TRIM33: variants seen among roughly 807,000 people sequenced by gnomAD.
The protein encoded by TRIM33 is tripartite motif containing 33.
Under a neutral mutation model 125.4 loss-of-function variants are expected in TRIM33, and 20 were observed. The observed-to-expected ratio is 0.16, with a 90% CI of 0.11 to 0.23. TRIM33 has a LOEUF of 0.23. TRIM33 is among the 10% of genes least tolerant of loss of function. The pLI, the probability that TRIM33 is intolerant of heterozygous loss-of-function variation, is 1.00. For synonymous variants in TRIM33, 564 were observed against 513.9 expected (o/e 1.10, Z -1.32); for missense variants, 920 against 1,411.4 (o/e 0.65, Z 5.58).
At chr1:114,465,022 T>C (rs1275157494) in intron 1 of TRIM33, among the ~76,000 whole-genome samples, 1 of 152,206 alleles carries the variant, frequency 6.6e-6, no homozygotes, top group Non-Finnish European at 1.5e-5. Flanking sequence ...CTGGCCTCCA[T>C]AATGGTAAAA....
chr1:114,510,967 G>A lies in TRIM33; in HGVS notation c.110C>T (p.Pro37Leu), dbSNP rs1403806972. 4.4e-6 allele frequency: 6 copies of A among 1,378,358 alleles called. No homozygotes were observed. Among genetic ancestry groups the A allele is most frequent in the African/African-American group, 3.0e-5 (2 of 65,996 alleles). The allele number at this position is 1,378,358 out of a possible 1,614,324, so 85.4% of individuals were successfully genotyped here. A position where few individuals can be genotyped will look rare whatever the true frequency, so the allele number is the denominator to read the frequency against. ...CTCCTCCACCAGCACCGCGGTGAGA[G>A]GCGGCTCCGCCTCCTGCGCGGCGGG... is the stretch of plus-strand genomic sequence containing the variant. ...AGPAAQEAEPPLTAVLVEEEE... is the reference protein window; with the variant it reads ...AGPAAQEAEPLLTAVLVEEEE... Residue 37 changes from proline (P) to leucine (L), a missense_variant, in exon 1 of 20, where the codon CCT becomes CTT. By Grantham distance (98) the Pro-to-Leu change is moderately conservative. This residue lies in a region of TRIM33 where 233 missense variants were observed against 189.6 expected (regional missense o/e 1.23). Coordinates refer to ENST00000358465, the MANE Select transcript of TRIM33 (RefSeq NM_015906.4).
chr1:114,494,669 T>G (rs1383282724), intron 1 of TRIM33, among the ~76,000 whole-genome samples: 2 of 152,070 alleles, frequency 1.3e-5, no homozygotes, highest in African/African-American at 2.4e-5. Flanking sequence ...CTACAAAAAA[T>G]GATATTCAAA....
At position 114,397,589 on chromosome 1, in the gene TRIM33, G is replaced by GTTTTTTTTTTTTTTTTTTTGTT. The variant is rs66490349; in HGVS notation, c.*58_*59insAACAAAAAAAAAAAAAAAAAAA. ...CTTAAAAGTTTTCTGGGTTTTTTGT[G>GTTTTTTTTTTTTTTTTTTTGTT]TTTTTTTTTTTTTTTTCGTTTTTTT... On this transcript the variant is annotated 3_prime_UTR_variant, in exon 20 of 20. Coordinates refer to ENST00000358465, the MANE Select transcript of TRIM33 (RefSeq NM_015906.4). 9 of 640,648 alleles carry GTTTTTTTTTTTTTTTTTTTGTT rather than the reference G, an allele frequency of 1.4e-5. No individual in the cohort carries two copies. Among genetic ancestry groups the GTTTTTTTTTTTTTTTTTTTGTT allele is most frequent in the African/African-American group, 8.2e-5 (3 of 36,470 alleles). 39.7% of individuals were successfully genotyped at this position (640,648 alleles called of 1,614,324 possible). A position where few individuals can be genotyped will look rare whatever the true frequency, so the allele number is the denominator to read the frequency against.
chr1:114,399,645 C>A, intron 17 of TRIM33, 36 bp from the exon 18 acceptor site: 4 of 1,495,680 alleles, frequency 2.7e-6, no homozygotes, highest in Middle Eastern at 1.8e-4. Context: ...AAGAATTCTC[C>A]AAAAATGCCA....
chr1:114,509,359 T>C (rs568665030), intron 1 of TRIM33, among the ~76,000 whole-genome samples: 1 of 152,340 alleles, frequency 6.6e-6, no homozygotes, highest in East Asian at 1.9e-4. Flanking sequence ...GGGAGGTTAT[T>C]TATCGTCTAT....
At chr1:114,489,767 A>AAAT (rs1651936015) in intron 1 of TRIM33, among the ~76,000 whole-genome samples, 8 of 151,804 alleles carry the variant, frequency 5.3e-5, no homozygotes, top group Admixed American at 1.3e-4. Context: ...AATAAATAAA[A>AAAT]AAAACATGTG....
chr1:114,463,619 A>G (rs1650120360), intron 2 of TRIM33, 63 bp from the exon 3 acceptor site: 1 of 1,083,438 alleles, frequency 9.2e-7, no homozygotes, highest in South Asian at 1.4e-5. Context: ...AAAAAAAAAA[A>G]AAAACTTGTT....
chr1:114,433,446 G>A lies in TRIM33; in HGVS notation c.1040+171C>T, dbSNP rs186683065. Among the ~76,000 whole-genome samples, 446 of 152,108 alleles carry A rather than the reference G, an allele frequency of 2.9e-3. 2 individuals are homozygous for A. Among genetic ancestry groups the A allele is most frequent in the African/African-American group, 0.01 (428 of 41,514 alleles). ...GTCCTAAAAGGGTATACAAGAGTTT[G>A]GTCAATTAAATTTTGTTTAATTGAC... On this transcript the variant is annotated intron_variant, in intron 5 of 19. Coordinates refer to ENST00000358465, the MANE Select transcript of TRIM33 (RefSeq NM_015906.4).
chr1:114,449,343 A>G (rs1243849326), intron 4 of TRIM33, among the ~76,000 whole-genome samples: 1 of 152,232 alleles, frequency 6.6e-6, no homozygotes, highest in African/African-American at 2.4e-5. Flanking sequence ...ATGACATGCC[A>G]ACAATTCCAA....
rs2101078707 is a variant in TRIM33 at position 114,399,675 on chromosome 1, G to A, written c.2968-66C>T. The A allele has an allele frequency of 4.5e-6, 6 of 1,320,378 alleles. No homozygotes were observed. In the South Asian group the frequency reaches 8.1e-5, roughly 18 times the overall value. 81.8% of individuals were successfully genotyped at this position (1,320,378 alleles called of 1,614,324 possible). The stretch of plus-strand genomic sequence containing the variant: ...ATGCCAAACTGTTTAATTTGAAAAT[G>A]CATAGCATATTAATTTTAGGGAAAA... On this transcript the variant is annotated intron_variant, in intron 17 of 19. Transcript: ENST00000358465.
chr1:114,488,369 CTAAA>C lies in TRIM33; in HGVS notation c.526+22178_526+22181del, dbSNP rs542620000. 4.3e-4 allele frequency among the ~76,000 whole-genome samples: 65 copies of C among 152,240 alleles called. 1 individual carries two copies. The highest frequency in any genetic ancestry group is 6.5e-4 in the African/African-American group (27 of 41,546). On this transcript the variant is annotated intron_variant, in intron 1 of 19. Coordinates refer to ENST00000358465, the MANE Select transcript of TRIM33 (RefSeq NM_015906.4). ...CCTTAAATACTCCTAAACACATGAACTAAATAAAGACCAGAAGAGTGAATAAACT... is the reference window on the plus strand; with the variant it reads ...CCTTAAATACTCCTAAACACATGAACTAAAGACCAGAAGAGTGAATAAACT...
At chr1:114,503,195 T>C (rs1032624727) in intron 1 of TRIM33, among the ~76,000 whole-genome samples, 4 of 152,198 alleles carry the variant, frequency 2.6e-5, no homozygotes, top group African/African-American at 4.8e-5. Flanking sequence ...AAAATCTATT[T>C]ATTGGCTGGG....
intron 11 of TRIM33, 72 bp from the exon 12 acceptor site, chr1:114,410,388 T>C (rs572120352): frequency 6.3e-4 from 906 of 1,430,678 alleles, no homozygotes; most frequent in Non-Finnish European, 8.2e-4. Flanking sequence ...ATGTCACTGC[T>C]TATACTCAGT....
intron 1 of TRIM33, among the ~76,000 whole-genome samples, chr1:114,493,859 G>C (rs1570665141): frequency 6.6e-6 from 1 of 152,022 alleles, no homozygotes; most frequent in Non-Finnish European, 1.5e-5. Flanking sequence ...ATGGAGTCTC[G>C]CTCTGTTGCC....
intron 1 of TRIM33, among the ~76,000 whole-genome samples, chr1:114,496,901 T>C (rs1404632374): frequency 6.6e-6 from 1 of 152,258 alleles, no homozygotes; most frequent in African/African-American, 2.4e-5. Context: ...ATGTAATCAG[T>C]GCTTACTCTG....
chr1:114,419,490 T>C (rs1274274164), intron 11 of TRIM33, among the ~76,000 whole-genome samples: 1 of 152,190 alleles, frequency 6.6e-6, no homozygotes, highest in Non-Finnish European at 1.5e-5. Flanking sequence ...TAAACTTATA[T>C]ATTGCCTGTG....
intron 4 of TRIM33, among the ~76,000 whole-genome samples, chr1:114,453,203 A>C (rs144418344): frequency 0.014 from 2,155 of 152,142 alleles, 29 homozygotes; most frequent in South Asian, 0.041. Flanking sequence ...ATCTCTACTA[A>C]AAATACAAAA....
In TRIM33 at chr1:114,427,817, A is replaced by G. The variant is rs764059127; in HGVS notation, c.1233T>C (p.His411=). ...DITGLSRQVK[H]VMNFTNWAIA... ...TTGCCCAATTTGTGAAGTTCATAAC[A>G]TGCTTCACCTGCCGGGAAAGGCCTG... The change falls in exon 7 of 20, where the codon CAT becomes CAC. Residue 411 remains histidine (H), a synonymous_variant. Coordinates refer to ENST00000358465, the MANE Select transcript of TRIM33 (RefSeq NM_015906.4). The G allele has an allele frequency of 2.5e-6, 4 of 1,614,142 alleles. No individual in the cohort carries two copies. Among genetic ancestry groups the G allele is most frequent in the Admixed American group, 3.3e-5 (2 of 60,024 alleles).
In TRIM33 at chr1:114,407,112, C is replaced by T; in HGVS notation, c.2259-12G>A. ...CTGATGACCCACAGCTAATAAGAAA[C>T]AACAAATAAAGATCACATACGTTTG... On this transcript the variant is annotated splice_polypyrimidine_tract_variant and intron_variant, in intron 13 of 19. Coordinates refer to ENST00000358465, the MANE Select transcript of TRIM33 (RefSeq NM_015906.4). 1 of 1,604,466 alleles carries T rather than the reference C, an allele frequency of 6.2e-7. No individual in the cohort carries two copies. Among genetic ancestry groups the T allele is most frequent in the Non-Finnish European group, 8.5e-7 (1 of 1,176,286 alleles).
Sources: allele counts gnomAD v4.1 joint callset (sites outside exome capture counted in the v4.1 genomes callset), GRCh38; gene constraint gnomAD v4.1.1; regional missense constraint gnomAD v4.1.1; transcripts MANE v1.5; gene names NCBI Gene and HGNC (gene_info 2026-07-23, HGNC 2026-07-21).